The following KEAP1 variants were observed in gnomAD, a reference collection of about 807,000 sequenced individuals.
KEAP1 encodes kelch like ECH associated protein 1, also known as kelch-like ECH-associated protein 1.
KEAP1 carries 26 observed loss-of-function variants against 59.7 expected under a neutral mutation model. The observed-to-expected ratio is 0.44, with a 90% CI of 0.32 to 0.60. The LOEUF is 0.60. KEAP1 is among the 20% of genes least tolerant of loss of function. KEAP1 has a pLI of 0.06. For missense variants in KEAP1, 539 were observed against 871.4 expected (o/e 0.62, Z 4.80); for synonymous variants, 350 against 358.3 (o/e 0.98, Z 0.26).
chr19:10,501,268 C>T (rs958025473), intron 1 of KEAP1, among the ~76,000 whole-genome samples: 2 of 151,958 alleles, frequency 1.3e-5, no homozygotes, highest in African/African-American at 4.8e-5. Context: ...GACAGAGTCT[C>T]GCTCTGTTGC....
Position 10,502,784 on chromosome 19 carries a change from C to T in KEAP1, c.-48+457G>A, listed in dbSNP as rs1355274450. 1 of 151,998 alleles carries T rather than the reference C, an allele frequency of 6.6e-6. No individual in the cohort carries two copies. Among genetic ancestry groups the T allele is most frequent in the African/African-American group, 2.4e-5 (1 of 41,408 alleles). 9.4% of individuals were successfully genotyped at this position (151,998 alleles called of 1,614,324 possible). Reference sequence around the variant, plus strand: ...GCGTGGGGGAGGCGCGGAGCGCGCGCAGGTCACCATGACTAAGCAGAGCCG... The same window carrying T: ...GCGTGGGGGAGGCGCGGAGCGCGCGTAGGTCACCATGACTAAGCAGAGCCG... On this transcript the variant is annotated intron_variant, in intron 1 of 5. Coordinates refer to ENST00000171111, the MANE Select transcript of KEAP1 (RefSeq NM_203500.2). The surrounding 1 kb of genome is among the most constrained non-coding windows in gnomAD (Gnocchi z 4.0).
rs1914465149 is a variant in KEAP1, at chr19:10,486,478, T to G, written c.*174A>C. On this transcript the variant is annotated 3_prime_UTR_variant, in exon 6 of 6. Transcript: ENST00000171111. ...TCCCGGGGCTCCGCTGAGGGGCACA[T>G]GATTCCCGCTTTGGACTTCTTTTGA... is the stretch of plus-strand genomic sequence containing the variant. The G allele has an allele frequency of 1.4e-6, 1 of 703,892 alleles. No homozygotes were observed. The highest frequency in any genetic ancestry group is 2.4e-6 in the Non-Finnish European group (1 of 411,116). The allele number at this position is 703,892 out of a possible 1,614,324, so 43.6% of individuals were successfully genotyped here.
In KEAP1 at chr19:10,499,777, T is replaced by A; in HGVS notation, c.257A>T (p.Gln86Leu). The change falls in exon 2 of 6, where the codon CAG becomes CTG. Residue 86 changes from glutamine to leucine, a missense_variant. Transcript: ENST00000171111. The surrounding 1 kb of genome is among the most constrained non-coding windows in gnomAD (Gnocchi z 6.7). Reference sequence around the variant, plus strand: ...CATGAACTGGGCGGCCGGTGCATCCTGGTACTTGACCTGCAGTGTGACGTC... The same window carrying A: ...CATGAACTGGGCGGCCGGTGCATCCAGGTACTTGACCTGCAGTGTGACGTC... ...LCDVTLQVKY[Q>L]DAPAAQFMAH... 1 of 1,614,124 alleles carries A rather than the reference T, an allele frequency of 6.2e-7. No homozygotes were observed. Among genetic ancestry groups the A allele is most frequent in the Non-Finnish European group, 8.5e-7 (1 of 1,180,028 alleles).
At chr19:10,489,146 C>T (rs565751585) in intron 5 of KEAP1, 46 bp downstream of exon 5, 2 of 1,072,030 alleles carry the variant, frequency 1.9e-6, no homozygotes, top group East Asian at 6.1e-5. Flanking sequence ...AAGCAGTCCA[C>T]AAAAGATGGG....
At chr19:10,487,695 AAAAAT>A (rs1376878869) in intron 5 of KEAP1, among the ~76,000 whole-genome samples, 1 of 151,872 alleles carries the variant, frequency 6.6e-6, no homozygotes, top group African/African-American at 2.4e-5. Flanking sequence ...ATAAAAAAAT[AAAAAT>A]AAAATAAAAT....
rs1467300621 is a variant in KEAP1, at chr19:10,486,604, A to G, written c.*48T>C. 8 of 1,554,232 alleles carry G rather than the reference A, an allele frequency of 5.1e-6. No individual in the cohort carries two copies. Among genetic ancestry groups the G allele is most frequent in the Non-Finnish European group, 7.0e-6 (8 of 1,138,830 alleles). On this transcript the variant is annotated 3_prime_UTR_variant, in exon 6 of 6. Transcript: ENST00000171111. ...TAGTCCCGGTTTTTGTACAAAAACA[A>G]TGATACTCCCCATTGGACTGTATTT...
rs2144603702 is a variant in KEAP1, at chr19:10,492,125, C to T, written c.777G>A (p.Gln259=). The T allele has an allele frequency of 6.2e-7, 1 of 1,614,006 alleles. No individual in the cohort carries two copies. The highest frequency in any genetic ancestry group is 8.5e-7 in the Non-Finnish European group (1 of 1,180,052). Residue 259 remains glutamine (Q), a synonymous_variant, in exon 3 of 6, where the codon CAG becomes CAA. Transcript: ENST00000171111. ...GCAGCGCCTGGACGTAGAACCGTCG[C>T]TGTTCGCAGTCGTACTTGACCCAGT... The part of the protein sequence containing the change: ...CINWVKYDCE[Q]RRFYVQALLR...
intron 2 of KEAP1, 26 bp from the exon 3 acceptor site, chr19:10,492,288 C>A (rs1471523876): frequency 6.3e-7 from 1 of 1,575,778 alleles, no homozygotes; most frequent in South Asian, 1.1e-5. Flanking sequence ...GTGGGACGGG[C>A]TGACTCTCCA....
chr19:10,500,573 C>T (rs1915007918), intron 1 of KEAP1, among the ~76,000 whole-genome samples: 1 of 152,060 alleles, frequency 6.6e-6, no homozygotes, highest in South Asian at 2.1e-4. Flanking sequence ...CTGACAACTG[C>T]AGGGAGGAGC....
At chr19:10,493,951 T>G (rs1371747760) in intron 2 of KEAP1, among the ~76,000 whole-genome samples, 1 of 151,354 alleles carries the variant, frequency 6.6e-6, no homozygotes, top group East Asian at 1.9e-4. Context: ...CTGGCCTGTT[T>G]TTGCTTTTGA....
chr19:10,494,657 CTTTT>C (rs111799495), intron 2 of KEAP1, among the ~76,000 whole-genome samples: 1 of 110,966 alleles, frequency 9.0e-6, no homozygotes. Flanking sequence ...CTGTTTGTTT[CTTTT>C]TTTTTTTTTT....
Position 10,486,760 on chromosome 19 carries a change from G to A in KEAP1, c.1767C>T (p.Asp589=). 6.2e-7 allele frequency: 1 copy of A among 1,614,080 alleles called. No homozygotes were observed. Among genetic ancestry groups the A allele is most frequent in the Non-Finnish European group, 8.5e-7 (1 of 1,180,006 alleles). ...TCATTCGGGTCACCTCGCTCCAGGT[G>A]TCTGTATCTGGGTCGTAACACTCCA... The part of the protein sequence containing the change: ...DSVECYDPDT[D]TWSEVTRMTS... The change falls in exon 6 of 6, where the codon GAC becomes GAT. Residue 589 remains aspartate (D), a synonymous_variant. Transcript: ENST00000171111.
At chr19:10,488,641 A>G (rs999691644) in intron 5 of KEAP1, among the ~76,000 whole-genome samples, 3 of 148,268 alleles carry the variant, frequency 2.0e-5, no homozygotes, top group African/African-American at 7.6e-5. Flanking sequence ...ACAAAACAAA[A>G]AACAAAACAG....
At chr19:10,498,199 C>CT (rs35066564) in intron 2 of KEAP1, among the ~76,000 whole-genome samples, 23,910 of 106,102 alleles carry the variant, frequency 0.23, 4,021 homozygotes, top group Admixed American at 0.34. Flanking sequence ...CGCGCCCAGG[C>CT]TTTTTTTTTT....
chr19:10,501,499 G>A (rs781578306), intron 1 of KEAP1, among the ~76,000 whole-genome samples: 31 of 151,796 alleles, frequency 2.0e-4, no homozygotes, highest in Non-Finnish European at 4.4e-4. Flanking sequence ...GTGTGGCGGC[G>A]GGCGCCTGTA....
chr19:10,490,131 A>G (rs1914619061), intron 3 of KEAP1, among the ~76,000 whole-genome samples: 1 of 151,882 alleles, frequency 6.6e-6, no homozygotes. Context: ...AGATGCCTGT[A>G]ATCCCAGCTA....
In KEAP1 at chr19:10,491,366, T is replaced by C. The variant is rs1355682411; in HGVS notation, c.1325+211A>G. Reference sequence around the variant, plus strand: ...CTCCGCACAAAGGAACCATATGGGTTTGTGACAGTCCCCTAAGCATTTCCC... The same window carrying C: ...CTCCGCACAAAGGAACCATATGGGTCTGTGACAGTCCCCTAAGCATTTCCC... On this transcript the variant is annotated intron_variant, in intron 3 of 5. Coordinates refer to ENST00000171111, the MANE Select transcript of KEAP1 (RefSeq NM_203500.2). The surrounding 1 kb of genome is among the most constrained non-coding windows in gnomAD (Gnocchi z 5.2). 6.6e-6 allele frequency among the ~76,000 whole-genome samples: 1 copy of C among 152,154 alleles called. No individual in the cohort carries two copies. The highest frequency in any genetic ancestry group is 1.5e-5 in the Non-Finnish European group (1 of 68,020).
rs1317743367 is a variant in KEAP1 at position 10,489,862 on chromosome 19, G to C, written c.1326-9C>G. 6.2e-7 allele frequency: 1 copy of C among 1,610,876 alleles called. No individual in the cohort carries two copies. Among genetic ancestry groups the C allele is most frequent in the South Asian group, 1.1e-5 (1 of 90,598 alleles). On this transcript the variant is annotated splice_polypyrimidine_tract_variant and intron_variant, in intron 3 of 5. Transcript: ENST00000171111. ...CCCGCTCTGGCTCATACCTGCAAGG[G>C]CGTAAGAAAAATGGGGACAATGGCC...
rs755165192 is a variant in KEAP1, at chr19:10,486,800, G to A, written c.1727C>T (p.Thr576Met). 6.8e-6 allele frequency: 11 copies of A among 1,613,232 alleles called. No individual in the cohort carries two copies. Among genetic ancestry groups the A allele is most frequent in the African/African-American group, 2.7e-5 (2 of 74,850 alleles). ...IYVLGGYDGH[T>M]FLDSVECYDP... The stretch of plus-strand genomic sequence containing the variant: ...GTAACACTCCACACTGTCCAGGAAC[G>A]TGTGACCATCATAGCCTCCTGCGGG... The change falls in exon 6 of 6, where the codon ACG becomes ATG. Residue 576 changes from threonine to methionine, a missense_variant. Physicochemically the swap from Thr to Met is moderately conservative, Grantham distance 81. Transcript: ENST00000171111.
Sources: gnomAD v4.1 joint callset for allele counts (sites outside exome capture counted in the v4.1 genomes callset) on GRCh38, gnomAD v4.1.1 for gene constraint, Gnocchi (gnomAD v3.1) non-coding constraint, MANE v1.5 for transcripts, NCBI Gene and HGNC (gene_info 2026-07-23, HGNC 2026-07-21) for gene names.